C17orf67: variants seen among roughly 807,000 people sequenced by gnomAD.
C17orf67 encodes the protein chromosome 17 open reading frame 67.
Under a neutral mutation model 11.2 loss-of-function variants are expected in C17orf67, and 12 were observed. That is an observed-to-expected ratio of 1.07 (90% CI 0.68 to 1.73). The LOEUF (loss-of-function observed/expected upper bound fraction) is 1.73, where lower values mean the gene tolerates loss of function less well. Ranked by LOEUF, C17orf67 falls within the 40% of genes most tolerant of loss-of-function variation. The probability of loss-of-function intolerance (pLI) is 0.00; values close to 1 mark genes in which losing one functional copy is unlikely to be tolerated. For missense variants in C17orf67, 115 were observed against 113.5 expected, an observed-to-expected ratio of 1.01 and a Z score of -0.06; for synonymous variants, 59 against 46.9, an observed-to-expected ratio of 1.26 and a Z score of -1.05.
chr17:56,809,681 A>T (rs1905548214), intron 6 of C17orf67, among the ~76,000 whole-genome samples: 1 of 140,414 alleles, frequency 7.1e-6, no homozygotes, highest in Non-Finnish European at 1.5e-5. Flanking sequence ...ACAGACCCTC[A>T]CACACACCTA....
At chr17:56,796,128 G>A (rs1251096936) in intron 6 of C17orf67, among the ~76,000 whole-genome samples, 2 of 152,196 alleles carry the variant, frequency 1.3e-5, no homozygotes, top group Non-Finnish European at 2.9e-5. Context: ...TAGTCTGGCA[G>A]TTCCTTACAA....
chr17:56,825,692 T>C (rs1030594244), intron 2 of C17orf67, among the ~76,000 whole-genome samples: 7 of 152,206 alleles, frequency 4.6e-5, no homozygotes, highest in Non-Finnish European at 8.8e-5. Flanking sequence ...GAGTATAATG[T>C]AGCCATTAAA....
chr17:56,807,306 T>C (rs1905476621), intron 6 of C17orf67, among the ~76,000 whole-genome samples: 1 of 152,142 alleles, frequency 6.6e-6, no homozygotes, highest in Non-Finnish European at 1.5e-5. Context: ...GAGAGATCAA[T>C]TGTGTCAAAA....
intron 6 of C17orf67, among the ~76,000 whole-genome samples, chr17:56,813,675 T>C (rs1330888431): frequency 1.3e-5 from 2 of 152,152 alleles, no homozygotes; most frequent in South Asian, 4.1e-4. Flanking sequence ...CCACAGACTT[T>C]GAGCAGAAAC....
At position 56,804,192 on chromosome 17, in the gene C17orf67, T is replaced by C. The variant is rs1374813335; in HGVS notation, c.157-9012A>G. On this transcript the variant is annotated intron_variant, in intron 6 of 7. Coordinates refer to ENST00000397861, the MANE Select transcript of C17orf67 (RefSeq NM_001085430.4). ...TATTTCTCAGTAATTAGAGCAGAAATTAAAAGTAGTCCTTTATTATGGCTC... is the reference window on the plus strand; with the variant it reads ...TATTTCTCAGTAATTAGAGCAGAAACTAAAAGTAGTCCTTTATTATGGCTC... 2.6e-5 allele frequency: 4 copies of C among 152,328 alleles called. 1 individual carries two copies. The East Asian group carries it at 7.7e-4, about 29-fold the overall frequency. 9.4% of individuals were successfully genotyped at this position (152,328 alleles called of 1,614,324 possible).
rs534613347 is a variant in C17orf67, at chr17:56,792,241, C to G, written c.*132G>C. 6.6e-6 allele frequency: 1 copy of G among 152,216 alleles called. No individual in the cohort carries two copies. The allele number at this position is 152,216 out of a possible 1,614,324, so 9.4% of individuals were successfully genotyped here. Reference sequence around the variant, plus strand: ...CATTTCCAAGGCAATCTTTGATATGCCCACAGTTCACGAGGTCTGAAGACA... The same window carrying G: ...CATTTCCAAGGCAATCTTTGATATGGCCACAGTTCACGAGGTCTGAAGACA... On this transcript the variant is annotated 3_prime_UTR_variant, in exon 8 of 8. Coordinates refer to ENST00000397861, the MANE Select transcript of C17orf67 (RefSeq NM_001085430.4).
At chr17:56,814,753 G>A (rs568545197) in intron 6 of C17orf67, 116 bp downstream of exon 6, 1 of 984,318 alleles carries the variant, frequency 1.0e-6, no homozygotes, top group Non-Finnish European at 1.6e-6. Context: ...TCTTCTACCT[G>A]AAACTCTAAC....
intron 6 of C17orf67, among the ~76,000 whole-genome samples, chr17:56,813,739 T>TA (rs1201798049): frequency 2.0e-5 from 3 of 152,110 alleles, no homozygotes; most frequent in African/African-American, 7.2e-5. Context: ...GAGGAGTACT[T>TA]ACCATTTGCT....
chr17:56,792,024 CA>C lies in C17orf67; in HGVS notation c.*348del, dbSNP rs1240161969. ...TTCACTACTCTGAACAAGGATTCCC[CA>C]AATTCCTTAGGGCAGGCAGCCTGCC... is the stretch of plus-strand genomic sequence containing the variant. On this transcript the variant is annotated 3_prime_UTR_variant, in exon 8 of 8. Transcript: ENST00000397861. The C allele has an allele frequency of 2.6e-5, 4 of 152,158 alleles. No individual in the cohort carries two copies. The highest frequency in any genetic ancestry group is 4.1e-4 in the South Asian group (2 of 4,826). 9.4% of individuals were successfully genotyped at this position (152,158 alleles called of 1,614,324 possible).
At chr17:56,797,230 C>G (rs2144111957) in intron 6 of C17orf67, among the ~76,000 whole-genome samples, 1 of 152,292 alleles carries the variant, frequency 6.6e-6, no homozygotes, top group East Asian at 1.9e-4. Context: ...AAAGAATATT[C>G]TAGCACCCAG....
At chr17:56,826,317 G>A (rs1023857027) in intron 2 of C17orf67, among the ~76,000 whole-genome samples, 1 of 152,144 alleles carries the variant, frequency 6.6e-6, no homozygotes, top group East Asian at 1.9e-4. Flanking sequence ...TAAGCGTTCT[G>A]CATCAGCTAG....
At chr17:56,814,124 AG>A (rs1408216363) in intron 6 of C17orf67, among the ~76,000 whole-genome samples, 1 of 152,240 alleles carries the variant, frequency 6.6e-6, no homozygotes, top group Non-Finnish European at 1.5e-5. Context: ...AAACAGGATA[AG>A]CATCGTGCCC....
At position 56,814,783 on chromosome 17, in the gene C17orf67, C is replaced by T. The variant is rs1715043971; in HGVS notation, c.156+86G>A. ...TCTAACCAAACCCCTAACTAGCAGC[C>T]CATGCTGGGACCAACACCTAGTTTC... On this transcript the variant is annotated intron_variant, in intron 6 of 7. Coordinates refer to ENST00000397861, the MANE Select transcript of C17orf67 (RefSeq NM_001085430.4). The T allele has an allele frequency of 3.9e-6, 5 of 1,274,116 alleles. No individual in the cohort carries two copies. The South Asian group carries it at 6.0e-5, about 15-fold the overall frequency. 78.9% of individuals were successfully genotyped at this position (1,274,116 alleles called of 1,614,324 possible).
intron 2 of C17orf67, among the ~76,000 whole-genome samples, chr17:56,832,205 C>T (rs751553676): frequency 3.4e-4 from 51 of 152,158 alleles, no homozygotes; most frequent in Non-Finnish European, 6.5e-4. Context: ...CTCGGCCTCC[C>T]AAAGTGTTGG....
rs1331578194 is a variant in C17orf67 at position 56,833,662 on chromosome 17, T to A, written c.-1046A>T. On this transcript the variant is annotated 5_prime_UTR_variant, in exon 1 of 8. Coordinates refer to ENST00000397861, the MANE Select transcript of C17orf67 (RefSeq NM_001085430.4). ...GTCGGGCGGTGCCGCGCAGGCCGCC[T>A]CCCCCCCTCGCTTCCCAGTCGGCTT... The A allele has an allele frequency of 6.6e-6, 1 of 151,098 alleles. No individual in the cohort carries two copies. Among genetic ancestry groups the A allele is most frequent in the Admixed American group, 6.6e-5 (1 of 15,192 alleles). The allele number at this position is 151,098 out of a possible 1,614,324, so 9.4% of individuals were successfully genotyped here. A position where few individuals can be genotyped will look rare whatever the true frequency, so the allele number is the denominator to read the frequency against.
intron 2 of C17orf67, among the ~76,000 whole-genome samples, chr17:56,831,559 T>C (rs1262600077): frequency 1.3e-5 from 2 of 152,070 alleles, no homozygotes; most frequent in African/African-American, 4.8e-5. Flanking sequence ...GAAGTTACTA[T>C]TACACAGAAG....
rs911884815 is a variant in C17orf67, at chr17:56,833,747, A to C, written c.-1131T>G. The C allele has an allele frequency of 1.3e-5, 2 of 151,252 alleles. No homozygotes were observed. The highest frequency in any genetic ancestry group is 3.0e-5 in the Non-Finnish European group (2 of 67,794). The allele number at this position is 151,252 out of a possible 1,614,324, so 9.4% of individuals were successfully genotyped here. On this transcript the variant is annotated 5_prime_UTR_variant, in exon 1 of 8. Transcript: ENST00000397861. ...TAGAGGTTCGGCTCAAGTCGGGGGC[A>C]CTCGTGTCTGCGCCGAGCGGCGGGC...
intron 6 of C17orf67, 114 bp from the exon 7 acceptor site, chr17:56,795,294 G>GAGA: frequency 1.1e-6 from 1 of 916,354 alleles, no homozygotes; most frequent in South Asian, 1.5e-5. Context: ...GACAGGCAGG[G>GAGA]AGAAGAAATC....
At position 56,805,491 on chromosome 17, in the gene C17orf67, C is replaced by G. The variant is rs569633439; in HGVS notation, c.156+9378G>C. Among the ~76,000 whole-genome samples the G allele has an allele frequency of 6.0e-4, 92 of 152,308 alleles. 1 individual carries two copies. The highest frequency in any genetic ancestry group is 6.8e-3 in the Middle Eastern group (2 of 294). On this transcript the variant is annotated intron_variant, in intron 6 of 7. Coordinates refer to ENST00000397861, the MANE Select transcript of C17orf67 (RefSeq NM_001085430.4). ...CCCACTGGTCTCCAATTCAAGATACCATAATCATGTTCCCATGATATCTCT... is the reference window on the plus strand; with the variant it reads ...CCCACTGGTCTCCAATTCAAGATACGATAATCATGTTCCCATGATATCTCT...
Sources: allele counts gnomAD v4.1 joint callset (sites outside exome capture counted in the v4.1 genomes callset), GRCh38; gene constraint gnomAD v4.1.1; transcripts MANE v1.5; gene names NCBI Gene and HGNC (gene_info 2026-07-23, HGNC 2026-07-21).